The following PIK3CB variants were observed in gnomAD, a reference collection of about 807,000 sequenced individuals.
PIK3CB encodes phosphatidylinositol 4,5-bisphosphate 3-kinase catalytic subunit beta isoform.
Under a neutral mutation model 136.8 loss-of-function variants are expected in PIK3CB, and 39 were observed. That is an observed-to-expected ratio of 0.29 (90% CI 0.22 to 0.37). The LOEUF (loss-of-function observed/expected upper bound fraction) is 0.37. Among genes scored for constraint, PIK3CB ranks in the 10% least tolerant of loss-of-function variants. The pLI, the probability that PIK3CB is intolerant of heterozygous loss-of-function variation, is 1.00. For synonymous variants in PIK3CB, 428 were observed against 436.6 expected (o/e 0.98, Z 0.25); for missense variants, 868 against 1,275.4 (o/e 0.68, Z 4.87).
chr3:138,758,276 T>A (rs2045608779), intron 3 of PIK3CB, among the ~76,000 whole-genome samples: 1 of 152,220 alleles, frequency 6.6e-6, no homozygotes, highest in African/African-American at 2.4e-5. Context: ...GTTATGGGTA[T>A]GAAGTTTCTG....
chr3:138,825,399 TA>T, intron 1 of PIK3CB: 1 of 643,678 alleles, frequency 1.6e-6, no homozygotes, highest in South Asian at 1.9e-5. Flanking sequence ...TAATTGGTGT[TA>T]ACAAAATGGA....
At chr3:138,661,242 T>C (rs983996050) in intron 21 of PIK3CB, among the ~76,000 whole-genome samples, 5 of 152,224 alleles carry the variant, frequency 3.3e-5, no homozygotes, top group Non-Finnish European at 7.3e-5. Context: ...CTTCTTGGCA[T>C]AGGGAAGGGG....
intron 13 of PIK3CB, among the ~76,000 whole-genome samples, chr3:138,698,569 A>G (rs1392372090): frequency 6.6e-6 from 1 of 152,228 alleles, no homozygotes; most frequent in East Asian, 1.9e-4. Flanking sequence ...CAGTCATTGC[A>G]AAGAGTCTAA....
At chr3:138,804,902 G>C (rs2046215241) in intron 1 of PIK3CB, among the ~76,000 whole-genome samples, 1 of 152,138 alleles carries the variant, frequency 6.6e-6, no homozygotes, top group Non-Finnish European at 1.5e-5. Flanking sequence ...GTGGGTGCCT[G>C]TAGTCCCAGC....
chr3:138,666,447 T>C (rs1345449239), intron 19 of PIK3CB, among the ~76,000 whole-genome samples: 1 of 152,222 alleles, frequency 6.6e-6, no homozygotes, highest in Non-Finnish European at 1.5e-5. Context: ...GTGTTGGGAT[T>C]ACAGGCATGA....
At chr3:138,792,348 T>TA (rs34869100) in intron 2 of PIK3CB, among the ~76,000 whole-genome samples, 88 of 28,674 alleles carry the variant, frequency 3.1e-3, no homozygotes, top group African/African-American at 9.7e-3. Flanking sequence ...GGTATTATAA[T>TA]TTTTTTCATT....
intron 3 of PIK3CB, among the ~76,000 whole-genome samples, chr3:138,758,487 A>G (rs151089364): frequency 1.7e-3 from 254 of 152,378 alleles, no homozygotes; most frequent in Non-Finnish European, 2.7e-3. Context: ...TAGGTGCACC[A>G]TGCATGAGCG....
intron 17 of PIK3CB, among the ~76,000 whole-genome samples, 157 bp downstream of exon 17, chr3:138,684,468 T>C (rs1234148962): frequency 6.6e-6 from 1 of 152,240 alleles, no homozygotes; most frequent in African/African-American, 2.4e-5. Context: ...ATACATCCTA[T>C]TGAATATAAG....
intron 9 of PIK3CB, among the ~76,000 whole-genome samples, 169 bp downstream of exon 9, chr3:138,714,299 T>A (rs1044811418): frequency 1.3e-5 from 2 of 152,198 alleles, no homozygotes; most frequent in Non-Finnish European, 2.9e-5. Flanking sequence ...AATAAATGCA[T>A]GAACATAAAT....
chr3:138,700,272 C>A (rs1440021573), intron 12 of PIK3CB, among the ~76,000 whole-genome samples: 1 of 152,036 alleles, frequency 6.6e-6, no homozygotes, highest in Non-Finnish European at 1.5e-5. Context: ...ATCCATCCAT[C>A]CCTACATACT....
At chr3:138,815,366 A>AC (rs1933277326) in intron 1 of PIK3CB, among the ~76,000 whole-genome samples, 3 of 143,644 alleles carry the variant, frequency 2.1e-5, no homozygotes, top group African/African-American at 5.1e-5. Flanking sequence ...CAAAAAAAAA[A>AC]AAAAAAAAAC....
chr3:138,692,409 T>C (rs1050581396), intron 14 of PIK3CB, among the ~76,000 whole-genome samples: 2 of 152,214 alleles, frequency 1.3e-5, no homozygotes, highest in African/African-American at 4.8e-5. Flanking sequence ...AGAAAAACAC[T>C]TGGCTCAGCC....
chr3:138,828,710 A>G (rs368711807), intron 1 of PIK3CB, among the ~76,000 whole-genome samples: 1 of 152,076 alleles, frequency 6.6e-6, no homozygotes, highest in African/African-American at 2.4e-5. Context: ...GTGCCCTATA[A>G]TACTACCTGT....
chr3:138,742,514 G>T, intron 5 of PIK3CB, 44 bp downstream of exon 5: 2 of 985,262 alleles, frequency 2.0e-6, no homozygotes, highest in Non-Finnish European at 3.1e-6. Flanking sequence ...GGGTAAAAAT[G>T]AGAAATTTAT....
At chr3:138,664,600 G>A (rs2043367398) in intron 20 of PIK3CB, among the ~76,000 whole-genome samples, 1 of 152,148 alleles carries the variant, frequency 6.6e-6, no homozygotes, top group Non-Finnish European at 1.5e-5. Context: ...CCCTCACACT[G>A]TGAAGTTCTT....
intron 3 of PIK3CB, 140 bp from the exon 4 acceptor site, chr3:138,756,119 A>C (rs2045562151): frequency 2.1e-6 from 1 of 471,470 alleles, no homozygotes; most frequent in African/African-American, 2.0e-5. Context: ...AAGATTGGTT[A>C]AATGAATTAT....
intron 5 of PIK3CB, among the ~76,000 whole-genome samples, chr3:138,739,472 T>G (rs1444049406): frequency 6.6e-6 from 1 of 150,850 alleles, no homozygotes; most frequent in Admixed American, 6.6e-5. Context: ...ATAAAATAAA[T>G]AAAAAAGACC....
chr3:138,731,573 T>C (rs1027940242), intron 8 of PIK3CB, among the ~76,000 whole-genome samples: 2 of 151,982 alleles, frequency 1.3e-5, no homozygotes, highest in South Asian at 2.1e-4. Context: ...TTTTCATTTG[T>C]TGCAACAATT....
intron 8 of PIK3CB, among the ~76,000 whole-genome samples, chr3:138,718,998 C>T (rs892811121): frequency 1.3e-5 from 2 of 152,090 alleles, no homozygotes; most frequent in Non-Finnish European, 2.9e-5. Flanking sequence ...AGTAGTCACA[C>T]CCTTAAGCAA....
Sources: gnomAD v4.1 joint callset for allele counts (sites outside exome capture counted in the v4.1 genomes callset) on GRCh38, gnomAD v4.1.1 for gene constraint, MANE v1.5 for transcripts, NCBI Gene and HGNC (gene_info 2026-07-23, HGNC 2026-07-21) for gene names.